The following UHRF2 variants were observed in gnomAD, a reference collection of about 807,000 sequenced individuals.
UHRF2 encodes the protein ubiquitin like with PHD and ring finger domains 2.
A neutral mutation model predicts 96.8 loss-of-function variants in UHRF2; 23 were observed. The observed-to-expected ratio is 0.24, with a 90% CI of 0.17 to 0.34. The LOEUF (loss-of-function observed/expected upper bound fraction) is 0.34, where lower values mean the gene tolerates loss of function less well. Among genes scored for constraint, UHRF2 ranks in the 10% least tolerant of loss-of-function variants. The pLI is 1.00. For synonymous variants in UHRF2, 385 were observed against 332.6 expected (o/e 1.16, Z -1.72); for missense variants, 685 against 981.5 (o/e 0.70, Z 4.04).
At chr9:6,492,775 GAC>G (rs533503257) in intron 9 of UHRF2, 4 of 146,660 alleles carry the variant, frequency 2.7e-5, no homozygotes, top group Admixed American at 2.7e-4. Flanking sequence ...ATCAGATAGA[GAC>G]AATAATATCC....
chr9:6,498,954 G>A (rs1385888367), intron 12 of UHRF2: 1 of 152,200 alleles, frequency 6.6e-6, no homozygotes, highest in East Asian at 1.9e-4. Context: ...ATGCAAGTCT[G>A]TTTCTGTTTT....
At chr9:6,487,499 T>C (rs1369896781) in intron 9 of UHRF2, among the ~76,000 whole-genome samples, 1 of 152,216 alleles carries the variant, frequency 6.6e-6, no homozygotes, top group South Asian at 2.1e-4. Flanking sequence ...CCTGAGTAGC[T>C]GGGATTACAA....
At chr9:6,486,261 A>G (rs1392374145) in intron 8 of UHRF2, among the ~76,000 whole-genome samples, 5 of 152,238 alleles carry the variant, frequency 3.3e-5, no homozygotes, top group African/African-American at 1.2e-4. Flanking sequence ...GTGAGCATTC[A>G]TGACTCAAAC....
At chr9:6,420,561 C>T (rs960338330) in intron 1 of UHRF2, among the ~76,000 whole-genome samples, 5 of 151,570 alleles carry the variant, frequency 3.3e-5, no homozygotes, top group South Asian at 2.1e-4. Context: ...AAAAATTAGC[C>T]GGGCATGATG....
intron 2 of UHRF2, among the ~76,000 whole-genome samples, chr9:6,422,392 C>G (rs1291801503): frequency 6.6e-6 from 1 of 151,696 alleles, no homozygotes; most frequent in African/African-American, 2.4e-5. Flanking sequence ...CTGTTTTGAT[C>G]TCCCTTTCTC....
At chr9:6,421,328 A>T (rs766805784) in intron 2 of UHRF2, among the ~76,000 whole-genome samples, 186 bp downstream of exon 2, 5 of 152,352 alleles carry the variant, frequency 3.3e-5, no homozygotes, top group Non-Finnish European at 7.3e-5. Flanking sequence ...TACAAGATGT[A>T]TATGTACAGT....
Position 6,493,835 on chromosome 9 carries a change from G to T in UHRF2, c.1507G>T (p.Asp503Tyr). The T allele has an allele frequency of 6.2e-7, 1 of 1,613,288 alleles. No individual in the cohort carries two copies. The highest frequency in any genetic ancestry group is 8.5e-7 in the Non-Finnish European group (1 of 1,179,666). The change falls in exon 10 of 16, where the codon GAT becomes TAT. Residue 503 changes from aspartate (D) to tyrosine (Y), a missense_variant. Physicochemically the swap from Asp to Tyr is radical, Grantham distance 160. Around this residue, in one of 6 missense-constraint regions of UHRF2, gnomAD observed 73 missense variants for 283.7 expected, o/e 0.26. Coordinates refer to ENST00000276893, the MANE Select transcript of UHRF2 (RefSeq NM_152896.3). The stretch of plus-strand genomic sequence containing the variant: ...AAATCTTCTCTGACAGGACCGAGGT[G>T]ATGAGTTCACATACACTGGAAGCGG... ...GGFADEVDRG[D>Y]EFTYTGSGGK...
intron 9 of UHRF2, among the ~76,000 whole-genome samples, chr9:6,490,571 T>C (rs1159531898): frequency 1.3e-5 from 2 of 152,192 alleles, no homozygotes; most frequent in African/African-American, 2.4e-5. Flanking sequence ...GAGGTTGCGG[T>C]GAGCCAAGAT....
At chr9:6,425,866 A>G (rs1050444517) in intron 2 of UHRF2, among the ~76,000 whole-genome samples, 1 of 152,224 alleles carries the variant, frequency 6.6e-6, no homozygotes, top group Non-Finnish European at 1.5e-5. Context: ...GCAAGGAAAT[A>G]ATACATATTT....
intron 1 of UHRF2, among the ~76,000 whole-genome samples, chr9:6,418,903 G>C (rs1248702752): frequency 1.3e-5 from 2 of 152,128 alleles, no homozygotes; most frequent in African/African-American, 4.8e-5. Context: ...ATAGCTCTAG[G>C]GGGAGAACCC....
rs540012124 is a variant in UHRF2 at position 6,433,493 on chromosome 9, G to C, written c.385-421G>C. ...TCTTTTTAATACTTTACTGTTTTCT[G>C]GTTGGACTGTGTAAGTTATCTTTAG... On this transcript the variant is annotated intron_variant, in intron 2 of 15. Coordinates refer to ENST00000276893, the MANE Select transcript of UHRF2 (RefSeq NM_152896.3). 1.2e-4 allele frequency among the ~76,000 whole-genome samples: 19 copies of C among 152,146 alleles called. No homozygotes were observed. In the South Asian group the frequency reaches 3.9e-3, roughly 32 times the overall value.
chr9:6,430,127 C>T (rs996844639), intron 2 of UHRF2, among the ~76,000 whole-genome samples: 4 of 152,234 alleles, frequency 2.6e-5, no homozygotes, highest in Admixed American at 1.3e-4. Flanking sequence ...TGTCCTGCCT[C>T]AGCCTCCCAA....
intron 3 of UHRF2, among the ~76,000 whole-genome samples, chr9:6,437,131 C>T (rs1027519469): frequency 2.0e-5 from 3 of 152,186 alleles, no homozygotes; most frequent in South Asian, 2.1e-4. Flanking sequence ...TAATGAAGTA[C>T]ATGTTGATTT....
At chr9:6,449,550 T>C (rs1391712736) in intron 3 of UHRF2, 3 of 152,210 alleles carry the variant, frequency 2.0e-5, no homozygotes, top group African/African-American at 4.8e-5. Context: ...AAGGATTCTT[T>C]TTAGAGTTTG....
chr9:6,487,175 T>TTTATTTTTTATTTTTTATTTTA (rs1219013703), intron 9 of UHRF2, among the ~76,000 whole-genome samples: 1 of 142,684 alleles, frequency 7.0e-6, no homozygotes, highest in African/African-American at 2.8e-5. Context: ...GCTTTTATTT[T>TTTATTTTTTATTTTTTATTTTA]TTTTTCCTTT....
At chr9:6,454,564 C>T (rs531229356) in intron 3 of UHRF2, among the ~76,000 whole-genome samples, 41 of 152,118 alleles carry the variant, frequency 2.7e-4, no homozygotes, top group Non-Finnish European at 5.4e-4. Context: ...TGCCCCCCAG[C>T]CCCCATCACC....
intron 11 of UHRF2, among the ~76,000 whole-genome samples, chr9:6,497,803 A>C (rs1825061507): frequency 1.3e-5 from 2 of 152,230 alleles, no homozygotes; most frequent in Non-Finnish European, 2.9e-5. Flanking sequence ...TTGTTACTCT[A>C]TTAAATTTAT....
rs893365188 is a variant in UHRF2 at position 6,498,238 on chromosome 9, A to G, written c.1908+80A>G. The G allele has an allele frequency of 4.1e-5, 59 of 1,451,708 alleles. No individual in the cohort carries two copies. In the East Asian group the frequency reaches 1.3e-3, roughly 32 times the overall value. The allele number at this position is 1,451,708 out of a possible 1,614,324, so 89.9% of individuals were successfully genotyped here. A position where few individuals can be genotyped will look rare whatever the true frequency, so the allele number is the denominator to read the frequency against. ...CTATCTACATGCCTTAACACTGGAT[A>G]TAACCCACAGCAATTGACTGGTGGA... On this transcript the variant is annotated intron_variant, in intron 12 of 15. Transcript: ENST00000276893.
intron 3 of UHRF2, among the ~76,000 whole-genome samples, chr9:6,451,180 T>G (rs920512059): frequency 1.3e-5 from 2 of 151,744 alleles, no homozygotes; most frequent in African/African-American, 4.8e-5. Flanking sequence ...AAAAGTTACG[T>G]GTTTTTTTTG....
Sources: allele counts gnomAD v4.1 joint callset (sites outside exome capture counted in the v4.1 genomes callset), GRCh38; gene constraint gnomAD v4.1.1; regional missense constraint gnomAD v4.1.1; transcripts MANE v1.5; gene names NCBI Gene and HGNC (gene_info 2026-07-23, HGNC 2026-07-21).